Variants in FAM193A observed in about 807,000 individuals in gnomAD.
FAM193A encodes the protein protein FAM193A.
FAM193A carries 22 observed loss-of-function variants against 126.5 expected under a neutral mutation model. That is an observed-to-expected ratio of 0.17 (90% CI 0.12 to 0.25). The LOEUF is 0.25. Among genes scored for constraint, FAM193A ranks in the 10% least tolerant of loss-of-function variants. The pLI, the probability that FAM193A is intolerant of heterozygous loss-of-function variation, is 1.00. For missense variants in FAM193A, 1,675 were observed against 1,672.8 expected (o/e 1.00, Z -0.02); for synonymous variants, 761 against 646.8 (o/e 1.18, Z -2.68).
chr4:2,697,284 A>C (rs901015714), intron 18 of FAM193A, among the ~76,000 whole-genome samples: 2 of 152,178 alleles, frequency 1.3e-5, no homozygotes, highest in Non-Finnish European at 2.9e-5. Flanking sequence ...TGAACCTCAG[A>C]GGTGGAGGTT....
At chr4:2,729,205 T>G (rs143956357) in intron 20 of FAM193A, among the ~76,000 whole-genome samples, 1 of 152,304 alleles carries the variant, frequency 6.6e-6, no homozygotes, top group Non-Finnish European at 1.5e-5. Flanking sequence ...GCATGTGCAC[T>G]AAGGCACAGA....
At chr4:2,538,579 C>G (rs1234036825) in intron 1 of FAM193A, among the ~76,000 whole-genome samples, 1 of 147,836 alleles carries the variant, frequency 6.8e-6, no homozygotes, top group Non-Finnish European at 1.5e-5. Flanking sequence ...ATCCAGTATC[C>G]TGGAGATCAA....
intron 2 of FAM193A, among the ~76,000 whole-genome samples, chr4:2,610,743 C>CT (rs368434108): frequency 1.4e-3 from 208 of 146,984 alleles, no homozygotes; most frequent in African/African-American, 4.0e-3. Flanking sequence ...GAGTATCAGT[C>CT]TTTTTTTTTT....
At chr4:2,620,252 T>A (rs1461820252) in intron 2 of FAM193A, among the ~76,000 whole-genome samples, 1 of 152,224 alleles carries the variant, frequency 6.6e-6, no homozygotes, top group Non-Finnish European at 1.5e-5. Context: ...CTTTCATGTC[T>A]TGTCTCCAGG....
Position 2,699,958 on chromosome 4 carries a change from C to G in FAM193A, c.3786C>G (p.Gly1262=). Residue 1262 remains glycine, a synonymous_variant, in exon 19 of 21, where the codon GGC becomes GGG. Transcript: ENST00000637812. ...SVPNSGNIHN[G]SLEQTEEPET... Reference sequence around the variant, plus strand: ...CTAACTCTGGAAACATCCACAATGGCTCACTAGAGCAAACTGAAGAACCAG... The same window carrying G: ...CTAACTCTGGAAACATCCACAATGGGTCACTAGAGCAAACTGAAGAACCAG... The G allele has an allele frequency of 6.2e-7, 1 of 1,614,056 alleles. No individual in the cohort carries two copies. Among genetic ancestry groups the G allele is most frequent in the Non-Finnish European group, 8.5e-7 (1 of 1,180,030 alleles).
chr4:2,723,464 G>C (rs1051888711), intron 20 of FAM193A, among the ~76,000 whole-genome samples: 1 of 150,936 alleles, frequency 6.6e-6, no homozygotes, highest in East Asian at 1.9e-4. Flanking sequence ...AATCCCAGCT[G>C]CTCGGGAGGC....
At chr4:2,675,225 A>G (rs1284108898) in intron 13 of FAM193A, among the ~76,000 whole-genome samples, 2 of 152,216 alleles carry the variant, frequency 1.3e-5, no homozygotes, top group African/African-American at 4.8e-5. Context: ...GCCGTTGTTC[A>G]GTGAAGTGGT....
intron 13 of FAM193A, among the ~76,000 whole-genome samples, chr4:2,678,494 C>T (rs1714705466): frequency 6.6e-6 from 1 of 151,788 alleles, no homozygotes; most frequent in South Asian, 2.1e-4. Context: ...TCCTGAGTAG[C>T]TGGGATTACA....
chr4:2,605,488 A>G (rs1376029515), intron 2 of FAM193A, among the ~76,000 whole-genome samples: 4 of 152,204 alleles, frequency 2.6e-5, no homozygotes, highest in Admixed American at 6.5e-5. Context: ...GCTAGATGCC[A>G]TCCTCCTTTG....
chr4:2,705,969 G>A (rs755827417), intron 19 of FAM193A, among the ~76,000 whole-genome samples: 1 of 152,136 alleles, frequency 6.6e-6, no homozygotes, highest in African/African-American at 2.4e-5. Flanking sequence ...ACTTTGGGAG[G>A]CCAAAGCAGG....
At chr4:2,605,420 A>T (rs1205073008) in intron 2 of FAM193A, among the ~76,000 whole-genome samples, 1 of 152,154 alleles carries the variant, frequency 6.6e-6, no homozygotes, top group Non-Finnish European at 1.5e-5. Context: ...TTTATGTCTT[A>T]CTTATTTTGC....
intron 15 of FAM193A, 143 bp downstream of exon 15, chr4:2,691,113 C>T: frequency 4.3e-6 from 3 of 701,558 alleles, no homozygotes; most frequent in South Asian, 2.0e-5. Flanking sequence ...CAAAAATGCT[C>T]ACACACAGAG....
chr4:2,609,302 A>G (rs1560478741), intron 2 of FAM193A, among the ~76,000 whole-genome samples: 1 of 152,172 alleles, frequency 6.6e-6, no homozygotes, highest in Non-Finnish European at 1.5e-5. Context: ...ATGTTTAACA[A>G]AAATAGTTTT....
chr4:2,712,188 G>C (rs905497516), intron 19 of FAM193A, among the ~76,000 whole-genome samples: 1 of 151,724 alleles, frequency 6.6e-6, no homozygotes, highest in Non-Finnish European at 1.5e-5. Flanking sequence ...AGAGTTCACT[G>C]TGTGTGTGTG....
At chr4:2,585,310 A>T (rs941389230) in intron 1 of FAM193A, among the ~76,000 whole-genome samples, 2 of 152,230 alleles carry the variant, frequency 1.3e-5, no homozygotes, top group African/African-American at 4.8e-5. Flanking sequence ...CCTATTTCCC[A>T]AAGTGGTTAT....
intron 15 of FAM193A, among the ~76,000 whole-genome samples, chr4:2,692,616 C>T (rs2109273749): frequency 6.6e-6 from 1 of 152,250 alleles, no homozygotes; most frequent in African/African-American, 2.4e-5. Context: ...ACATTTTATC[C>T]AAATCTACCA....
At chr4:2,728,728 T>A (rs1721031932) in intron 20 of FAM193A, among the ~76,000 whole-genome samples, 1 of 152,138 alleles carries the variant, frequency 6.6e-6, no homozygotes, top group Non-Finnish European at 1.5e-5. Context: ...TTCTGGTTTA[T>A]ATTTAGAATA....
At chr4:2,563,133 T>C (rs1348493689) in intron 1 of FAM193A, among the ~76,000 whole-genome samples, 3 of 148,724 alleles carry the variant, frequency 2.0e-5, no homozygotes, top group Admixed American at 6.7e-5. Context: ...TTAGTAGAGA[T>C]GAGGTTTCAC....
chr4:2,693,916 A>C (rs966345941), intron 16 of FAM193A, 42 bp downstream of exon 16: 1 of 1,582,280 alleles, frequency 6.3e-7, no homozygotes, highest in African/African-American at 1.3e-5. Flanking sequence ...CACTTTGGAA[A>C]ATGGGTGTTA....
Sources: gnomAD v4.1 joint callset for allele counts (sites outside exome capture counted in the v4.1 genomes callset) on GRCh38, gnomAD v4.1.1 for gene constraint, MANE v1.5 for transcripts, NCBI Gene and HGNC (gene_info 2026-07-23, HGNC 2026-07-21) for gene names.